Variants in EGF observed in about 807,000 individuals in gnomAD.
EGF encodes the protein epidermal growth factor.
EGF carries 95 observed loss-of-function variants against 143.8 expected under a neutral mutation model. The observed-to-expected ratio is 0.66, with a 90% CI of 0.56 to 0.78. The LOEUF (loss-of-function observed/expected upper bound fraction) is 0.78, where lower values mean the gene tolerates loss of function less well. Among genes scored for constraint, EGF ranks in the 30% least tolerant of loss-of-function variants. The pLI, the probability that EGF is intolerant of heterozygous loss-of-function variation, is 0.00. For synonymous variants in EGF, 510 were observed against 510.5 expected, an observed-to-expected ratio of 1.00 and a Z score of 0.01; for missense variants, 1,320 against 1,470.9, an observed-to-expected ratio of 0.90 and a Z score of 1.68.
intron 19 of EGF, 56 bp from the exon 20 acceptor site, chr4:109,994,677 A>G: frequency 2.5e-6 from 4 of 1,584,622 alleles, no homozygotes; most frequent in Non-Finnish European, 3.5e-6. Flanking sequence ...TCATATTGAT[A>G]CTTGAAAGAC....
chr4:109,994,685 G>T, intron 19 of EGF, 48 bp from the exon 20 acceptor site: 1 of 1,601,428 alleles, frequency 6.2e-7, no homozygotes. Flanking sequence ...ATACTTGAAA[G>T]ACACTAATCC....
At chr4:109,935,728 A>G (rs1278338001) in intron 1 of EGF, among the ~76,000 whole-genome samples, 1 of 151,896 alleles carries the variant, frequency 6.6e-6, no homozygotes, top group Non-Finnish European at 1.5e-5. Flanking sequence ...GATACGTTCC[A>G]TCAATACCAA....
In EGF at chr4:110,013,433, G is replaced by A. The variant is rs1381879099; in HGVS notation, c.*1978G>A. On this transcript the variant is annotated 3_prime_UTR_variant, in exon 24 of 24. Transcript: ENST00000265171. ...GGGACCCTGCTAAGTCCTTGACTAG[G>A]CTATCTACCAGCTCCTGGTCGGATT... Among the ~76,000 whole-genome samples, 1 of 151,982 alleles carries A rather than the reference G, an allele frequency of 6.6e-6. No individual in the cohort carries two copies. The highest frequency in any genetic ancestry group is 2.4e-5 in the African/African-American group (1 of 41,378).
intron 18 of EGF, 106 bp downstream of exon 18, chr4:109,988,815 A>C: frequency 6.5e-7 from 1 of 1,530,908 alleles, no homozygotes; most frequent in Non-Finnish European, 9.0e-7. Context: ...TTGGGGTGAC[A>C]CACATGTCAA....
intron 23 of EGF, 49 bp from the exon 24 acceptor site, chr4:110,011,153 T>A: frequency 6.2e-7 from 1 of 1,606,156 alleles, no homozygotes; most frequent in Non-Finnish European, 8.5e-7. Context: ...GTCTTGCCTA[T>A]CTATTGTTAA....
At position 110,004,507 on chromosome 4, in the gene EGF, C is replaced by T; in HGVS notation, c.3176C>T (p.Thr1059Ile). 6.2e-7 allele frequency: 1 copy of T among 1,613,972 alleles called. No individual in the cohort carries two copies. Among genetic ancestry groups the T allele is most frequent in the East Asian group, 2.2e-5 (1 of 44,884 alleles). ...LSLWGAHYYR[T>I]QKLLSKNPKN... ...CTCAAATTTTGGCTTTATCACAGGACTCAGAAGCTGCTATCGAAAAACCCA... is the reference window on the plus strand; with the variant it reads ...CTCAAATTTTGGCTTTATCACAGGATTCAGAAGCTGCTATCGAAAAACCCA... The change falls in exon 22 of 24, where the codon ACT (threonine) becomes ATT (isoleucine). Residue 1059 changes from threonine to isoleucine, a missense_variant and splice_region_variant. Physicochemically the swap from Thr to Ile is moderately conservative, Grantham distance 89. Around this residue, in one of 5 missense-constraint regions of EGF, gnomAD observed 1,186 missense variants for 1,313.7 expected, o/e 0.90. Transcript: ENST00000265171.
At chr4:109,940,311 A>T (rs1232115574) in intron 1 of EGF, among the ~76,000 whole-genome samples, 1 of 152,110 alleles carries the variant, frequency 6.6e-6, no homozygotes. Flanking sequence ...TAGAGAACAA[A>T]TTTTTAGTGT....
At chr4:109,925,014 T>G (rs1289022869) in intron 1 of EGF, among the ~76,000 whole-genome samples, 1 of 152,152 alleles carries the variant, frequency 6.6e-6, no homozygotes, top group Non-Finnish European at 1.5e-5. Context: ...TGAAAATGAT[T>G]TTTTATAATT....
At chr4:109,991,991 A>C (rs754994635) in intron 18 of EGF, among the ~76,000 whole-genome samples, 53 of 151,096 alleles carry the variant, frequency 3.5e-4, no homozygotes, top group African/African-American at 7.5e-4. Context: ...GTTCTCCACA[A>C]AAAAAAAATT....
At chr4:109,959,802 G>C (rs1449301070) in intron 6 of EGF, among the ~76,000 whole-genome samples, 1 of 151,994 alleles carries the variant, frequency 6.6e-6, no homozygotes, top group Admixed American at 6.6e-5. Context: ...CATAGGGATC[G>C]TAAGAGTCTC....
rs1044505897 is a variant in EGF, at chr4:109,999,814, C to G, written c.3141C>G (p.Leu1047=). 20 of 1,613,740 alleles carry G rather than the reference C, an allele frequency of 1.2e-5. No homozygotes were observed. The highest frequency in any genetic ancestry group is 1.7e-5 in the Non-Finnish European group (20 of 1,180,032). Residue 1047 remains leucine, a synonymous_variant, in exon 21 of 24, where the codon CTC becomes CTG. Coordinates refer to ENST00000265171, the MANE Select transcript of EGF (RefSeq NM_001963.6). ...GCGTGGTGGTGCTTGTCATGCTGCT[C>G]CTCCTGAGCCTGTGGGGGGCCCACT... The part of the protein sequence containing the change: ...AVCVVVLVML[L]LLSLWGAHYY...
At chr4:110,001,674 G>C (rs745979818) in intron 21 of EGF, 29 of 985,298 alleles carry the variant, frequency 2.9e-5, no homozygotes, top group Admixed American at 6.2e-5. Flanking sequence ...ACGGCAAATT[G>C]CTGGCTTTTT....
intron 13 of EGF, 88 bp downstream of exon 13, chr4:109,976,323 C>T (rs1300928373): frequency 8.9e-7 from 1 of 1,123,510 alleles, no homozygotes; most frequent in Non-Finnish European, 1.3e-6. Context: ...ACACACATAC[C>T]ACTTAGCCGT....
intron 18 of EGF, 116 bp from the exon 19 acceptor site, chr4:109,993,131 G>A (rs1751266695): frequency 1.5e-6 from 2 of 1,298,114 alleles, no homozygotes; most frequent in Middle Eastern, 5.6e-4. Flanking sequence ...ATAGGTCTCT[G>A]AGAACATATA....
At chr4:109,975,903 A>T in intron 12 of EGF, 109 bp from the exon 13 acceptor site, 1 of 1,228,432 alleles carries the variant, frequency 8.1e-7, no homozygotes, top group Non-Finnish European at 1.2e-6. Flanking sequence ...TCCTTAGTGT[A>T]CCACTTTAGT....
chr4:109,983,399 T>C (rs1749673119), intron 15 of EGF, 23 bp from the exon 16 acceptor site: 1 of 1,612,068 alleles, frequency 6.2e-7, no homozygotes, highest in African/African-American at 1.3e-5. Flanking sequence ...CTAAATTTAA[T>C]TGCATCTATT....
intron 21 of EGF, chr4:110,004,190 TC>T: frequency 5.1e-6 from 2 of 393,526 alleles, no homozygotes; most frequent in Admixed American, 3.7e-5. Flanking sequence ...GCAAGGCTAT[TC>T]CCCCCAACAT....
In EGF at chr4:109,951,310, A is replaced by G. The variant is rs191715160; in HGVS notation, c.940+6035A>G. ...GGGGCAGAGGTTTCAGTGAGCCAAGATCAGGCCACTGCACTGTAGTCTGGG... is the reference window on the plus strand; with the variant it reads ...GGGGCAGAGGTTTCAGTGAGCCAAGGTCAGGCCACTGCACTGTAGTCTGGG... On this transcript the variant is annotated intron_variant, in intron 5 of 23. Transcript: ENST00000265171. 9.3e-4 allele frequency among the ~76,000 whole-genome samples: 142 copies of G among 152,260 alleles called. No homozygotes were observed. The Middle Eastern group carries it at 0.017, about 18-fold the overall frequency.
intron 1 of EGF, among the ~76,000 whole-genome samples, chr4:109,919,649 A>T (rs1407486100): frequency 2.0e-5 from 3 of 151,852 alleles, no homozygotes; most frequent in Admixed American, 6.6e-5. Context: ...CATGAGTGAC[A>T]GGTAGGGGGG....
Sources: allele counts gnomAD v4.1 joint callset (sites outside exome capture counted in the v4.1 genomes callset), GRCh38; gene constraint gnomAD v4.1.1; regional missense constraint gnomAD v4.1.1; transcripts MANE v1.5; gene names NCBI Gene and HGNC (gene_info 2026-07-23, HGNC 2026-07-21).